Variants in FNBP1L observed in about 807,000 individuals in gnomAD.
The protein encoded by FNBP1L is formin binding protein 1 like, also known as formin-binding protein 1-like.
Under a neutral mutation model 91.2 loss-of-function variants are expected in FNBP1L, and 36 were observed. That is an observed-to-expected ratio of 0.39 (90% confidence interval 0.30 to 0.52). The LOEUF (loss-of-function observed/expected upper bound fraction) is 0.52, where lower values mean the gene tolerates loss of function less well. Ranked by LOEUF, FNBP1L falls within the 20% of genes least tolerant of loss-of-function variation. The probability of loss-of-function intolerance (pLI) is 0.66; values close to 1 mark genes in which losing one functional copy is unlikely to be tolerated. For missense variants in FNBP1L, 571 were observed against 732.1 expected (o/e 0.78, Z 2.54); for synonymous variants, 242 against 237.0 (o/e 1.02, Z -0.19).
At chr1:93,521,045 AAACCAACCAACCAACCAACCAACC>A (rs56108498) in intron 2 of FNBP1L, among the ~76,000 whole-genome samples, 1 of 150,816 alleles carries the variant, frequency 6.6e-6, no homozygotes, top group Non-Finnish European at 1.5e-5. Flanking sequence ...CCATCTCAAT[AAACCAACCAACCAACCAACCAACC>A]AACCAACCAA....
At chr1:93,496,162 A>G (rs543042786) in intron 1 of FNBP1L, among the ~76,000 whole-genome samples, 1 of 152,220 alleles carries the variant, frequency 6.6e-6, no homozygotes, top group Admixed American at 6.5e-5. Flanking sequence ...CTTTTGGAGC[A>G]TAATCTGCTT....
At chr1:93,487,915 A>G (rs1206837039) in intron 1 of FNBP1L, among the ~76,000 whole-genome samples, 1 of 152,182 alleles carries the variant, frequency 6.6e-6, no homozygotes, top group Non-Finnish European at 1.5e-5. Context: ...AGACATATGT[A>G]TTTAGTTGCC....
chr1:93,489,808 G>A (rs1305823312), intron 1 of FNBP1L, among the ~76,000 whole-genome samples: 1 of 152,188 alleles, frequency 6.6e-6, no homozygotes, highest in East Asian at 1.9e-4. Flanking sequence ...CTGAATGGAA[G>A]TTGGTGTTTT....
chr1:93,543,709 A>G (rs1180907080), intron 11 of FNBP1L: 1 of 152,796 alleles, frequency 6.5e-6, no homozygotes, highest in Non-Finnish European at 1.5e-5. Flanking sequence ...TGTTATATAT[A>G]AAACAATACC....
At chr1:93,508,660 T>C (rs1670714146) in intron 2 of FNBP1L, among the ~76,000 whole-genome samples, 1 of 152,188 alleles carries the variant, frequency 6.6e-6, no homozygotes. Flanking sequence ...CCTCTTGTGT[T>C]ACATGTGCTC....
intron 2 of FNBP1L, among the ~76,000 whole-genome samples, chr1:93,515,291 A>C (rs532856853): frequency 0.019 from 2,839 of 151,804 alleles, 36 homozygotes; most frequent in Non-Finnish European, 0.024. Context: ...ATGTGGAGAA[A>C]TAGGAACACT....
At chr1:93,526,486 C>G (rs1045570121) in intron 5 of FNBP1L, among the ~76,000 whole-genome samples, 1 of 152,140 alleles carries the variant, frequency 6.6e-6, no homozygotes, top group Non-Finnish European at 1.5e-5. Flanking sequence ...TCCAACTATC[C>G]CATTTTATCA....
At chr1:93,491,468 T>TA (rs1341689489) in intron 1 of FNBP1L, among the ~76,000 whole-genome samples, 4 of 152,010 alleles carry the variant, frequency 2.6e-5, no homozygotes, top group Non-Finnish European at 5.9e-5. Flanking sequence ...CAGCTCTCTG[T>TA]AACTTTGAAC....
intron 11 of FNBP1L, among the ~76,000 whole-genome samples, chr1:93,542,805 C>T (rs1351433281): frequency 1.3e-4 from 16 of 125,810 alleles, no homozygotes; most frequent in African/African-American, 4.1e-4. Context: ...TTTTAAAAGA[C>T]GGAGTCTCGC....
chr1:93,498,918 T>C (rs908334415), intron 1 of FNBP1L, among the ~76,000 whole-genome samples: 1 of 152,158 alleles, frequency 6.6e-6, no homozygotes, highest in Non-Finnish European at 1.5e-5. Context: ...ATCTCGGAAA[T>C]GGCAGATCCC....
intron 1 of FNBP1L, among the ~76,000 whole-genome samples, chr1:93,467,720 T>C (rs1326806528): frequency 5.3e-5 from 8 of 152,122 alleles, no homozygotes; most frequent in African/African-American, 1.9e-4. Flanking sequence ...GGCTGTAGTG[T>C]GCCATAATTG....
intron 5 of FNBP1L, among the ~76,000 whole-genome samples, chr1:93,529,197 T>C (rs958990527): frequency 3.9e-5 from 6 of 152,084 alleles, no homozygotes; most frequent in Non-Finnish European, 1.5e-5. Context: ...TGAGGACTTA[T>C]ATTTTTTATA....
At chr1:93,499,795 T>C (rs1256399991) in intron 2 of FNBP1L, among the ~76,000 whole-genome samples, 1 of 152,194 alleles carries the variant, frequency 6.6e-6, no homozygotes, top group Non-Finnish European at 1.5e-5. Context: ...ATAGCTTTCA[T>C]TCCAGAAAGA....
At chr1:93,493,866 C>G (rs934833669) in intron 1 of FNBP1L, among the ~76,000 whole-genome samples, 1 of 152,162 alleles carries the variant, frequency 6.6e-6, no homozygotes, top group East Asian at 1.9e-4. Flanking sequence ...AAGACGTACA[C>G]TATTAGAAAT....
intron 11 of FNBP1L, among the ~76,000 whole-genome samples, chr1:93,542,000 A>G (rs1446817286): frequency 6.6e-6 from 1 of 152,126 alleles, no homozygotes; most frequent in African/African-American, 2.4e-5. Flanking sequence ...TAATTTTGAC[A>G]ACAAAAAAAA....
chr1:93,499,605 T>C lies in FNBP1L; in HGVS notation c.140+22T>C, dbSNP rs531049487. 73 of 1,389,180 alleles carry C rather than the reference T, an allele frequency of 5.3e-5. No homozygotes were observed. The African/African-American group carries it at 9.4e-4, about 18-fold the overall frequency. 86.1% of individuals were successfully genotyped at this position (1,389,180 alleles called of 1,614,324 possible). On this transcript the variant is annotated intron_variant, in intron 2 of 16. Transcript: ENST00000271234. ...TGAGGTAAGTTAATTTTTTTTTCAG[T>C]TTTTAGAATGAAATTACATGTTTAA...
At chr1:93,515,225 A>C (rs1259546053) in intron 2 of FNBP1L, among the ~76,000 whole-genome samples, 2 of 152,142 alleles carry the variant, frequency 1.3e-5, no homozygotes, top group Admixed American at 1.3e-4. Context: ...ATACCATCTC[A>C]CACCAGTTAG....
At chr1:93,517,845 CA>C (rs1292420990) in intron 2 of FNBP1L, among the ~76,000 whole-genome samples, 2 of 152,146 alleles carry the variant, frequency 1.3e-5, no homozygotes, top group African/African-American at 2.4e-5. Context: ...CTGGTGTTGG[CA>C]TCAGATTTGA....
intron 16 of FNBP1L, chr1:93,551,888 TACC>T: frequency 1.0e-6 from 1 of 985,494 alleles, no homozygotes; most frequent in East Asian, 1.1e-4. Flanking sequence ...TTTTGGGAAA[TACC>T]ACTTTAGTGA....
Sources: allele counts gnomAD v4.1 joint callset (sites outside exome capture counted in the v4.1 genomes callset), GRCh38; gene constraint gnomAD v4.1.1; transcripts MANE v1.5; gene names NCBI Gene and HGNC (gene_info 2026-07-23, HGNC 2026-07-21).